The following HTR1E variants were observed in gnomAD, a reference collection of about 807,000 sequenced individuals.
The protein encoded by HTR1E is 5-hydroxytryptamine receptor 1E, also known as 5-HT-1E.
Under a neutral mutation model 3.4 loss-of-function variants are expected in HTR1E, and 3 were observed. The ratio of observed to expected loss-of-function variants is 0.89; its 90% CI spans 0.41 to 2.31. HTR1E has a LOEUF of 2.31. HTR1E is among the 30% of genes most tolerant of loss of function. The pLI is 0.05. For synonymous variants in HTR1E, 170 were observed against 182.8 expected (o/e 0.93, Z 0.56); for missense variants, 392 against 467.0 (o/e 0.84, Z 1.48).
chr6:86,994,757 T>G (rs1246910238), intron 1 of HTR1E, among the ~76,000 whole-genome samples: 1 of 152,134 alleles, frequency 6.6e-6, no homozygotes, highest in Non-Finnish European at 1.5e-5. Context: ...TTATGTTTGA[T>G]AGTTAAAGCA....
intron 1 of HTR1E, among the ~76,000 whole-genome samples, chr6:86,957,763 T>C (rs1386913798): frequency 6.6e-6 from 1 of 152,154 alleles, no homozygotes; most frequent in Non-Finnish European, 1.5e-5. Context: ...GTTTCAAAGA[T>C]ATTGTTAAAT....
At chr6:87,011,778 C>T (rs2127833699) in intron 1 of HTR1E, among the ~76,000 whole-genome samples, 1 of 151,942 alleles carries the variant, frequency 6.6e-6, no homozygotes, top group Non-Finnish European at 1.5e-5. Flanking sequence ...TTCTCAAAAG[C>T]CAAGCCCATA....
At chr6:86,939,967 T>A (rs1003231669) in intron 1 of HTR1E, among the ~76,000 whole-genome samples, 2 of 152,204 alleles carry the variant, frequency 1.3e-5, no homozygotes, top group Non-Finnish European at 2.9e-5. Flanking sequence ...GCAACAATCA[T>A]GTAAATAAGT....
chr6:86,950,023 T>G (rs969447623), intron 1 of HTR1E, among the ~76,000 whole-genome samples: 8 of 152,196 alleles, frequency 5.3e-5, no homozygotes, highest in Admixed American at 1.3e-4. Flanking sequence ...ACGTGGCATA[T>G]GGCAAATGAA....
At chr6:87,005,110 T>C (rs1768081988) in intron 1 of HTR1E, among the ~76,000 whole-genome samples, 1 of 152,174 alleles carries the variant, frequency 6.6e-6, no homozygotes, top group African/African-American at 2.4e-5. Context: ...AGTGAAAAGA[T>C]ATTCCATGTT....
chr6:87,010,232 A>T, intron 1 of HTR1E, among the ~76,000 whole-genome samples: 1 of 96,722 alleles, frequency 1.0e-5, no homozygotes, highest in Non-Finnish European at 1.9e-5. Context: ...GGCCGGGCTG[A>T]GGGGCTCCTC....
chr6:86,979,851 C>T (rs958239869), intron 1 of HTR1E, among the ~76,000 whole-genome samples: 8 of 152,186 alleles, frequency 5.3e-5, no homozygotes, highest in African/African-American at 1.9e-4. Flanking sequence ...TATGCCGAAG[C>T]TAGCCTATTG....
intron 1 of HTR1E, among the ~76,000 whole-genome samples, chr6:86,982,111 A>G (rs1248207834): frequency 1.3e-5 from 2 of 152,226 alleles, no homozygotes; most frequent in East Asian, 1.9e-4. Flanking sequence ...TAGCAGGGCA[A>G]GCAACACATC....
chr6:86,968,064 A>G (rs763815338), intron 1 of HTR1E, among the ~76,000 whole-genome samples: 2 of 152,232 alleles, frequency 1.3e-5, no homozygotes, highest in Admixed American at 6.5e-5. Flanking sequence ...CAGTTTACAC[A>G]TGTGGTATCA....
chr6:86,982,950 GAA>G (rs1767734214), intron 1 of HTR1E, among the ~76,000 whole-genome samples: 2 of 152,266 alleles, frequency 1.3e-5, no homozygotes, highest in South Asian at 4.1e-4. Flanking sequence ...GGGAGTGAGA[GAA>G]AAAGAGAGCT....
At chr6:86,972,593 C>T (rs1367924712) in intron 1 of HTR1E, among the ~76,000 whole-genome samples, 1 of 152,064 alleles carries the variant, frequency 6.6e-6, no homozygotes, top group East Asian at 1.9e-4. Context: ...CTATTTATTA[C>T]AGGTGGAAAA....
chr6:87,007,472 GT>G (rs908752667), intron 1 of HTR1E, among the ~76,000 whole-genome samples: 4 of 152,068 alleles, frequency 2.6e-5, no homozygotes, highest in Non-Finnish European at 5.9e-5. Context: ...AAATAACAGA[GT>G]ACAATTGGAC....
chr6:86,999,657 T>C (rs991484562), intron 1 of HTR1E, among the ~76,000 whole-genome samples: 2 of 152,364 alleles, frequency 1.3e-5, no homozygotes, highest in Admixed American at 6.5e-5. Flanking sequence ...GTTTGATCAG[T>C]TGAACCCAAA....
At chr6:86,976,305 C>A (rs974258456) in intron 1 of HTR1E, among the ~76,000 whole-genome samples, 1 of 152,136 alleles carries the variant, frequency 6.6e-6, no homozygotes, top group African/African-American at 2.4e-5. Flanking sequence ...GAGTGGCATT[C>A]AGGAGAGTCT....
chr6:86,948,184 T>A (rs188690488), intron 1 of HTR1E, among the ~76,000 whole-genome samples: 25 of 152,318 alleles, frequency 1.6e-4, no homozygotes, highest in Admixed American at 1.4e-3. Context: ...GCTTCCAGCT[T>A]CATCCATGTC....
At chr6:86,951,379 G>A (rs978581846) in intron 1 of HTR1E, among the ~76,000 whole-genome samples, 3 of 151,998 alleles carry the variant, frequency 2.0e-5, no homozygotes, top group African/African-American at 7.2e-5. Context: ...TAAATTTTTT[G>A]CCTAGATTCC....
At chr6:86,945,560 GAA>G (rs1292305075) in intron 1 of HTR1E, among the ~76,000 whole-genome samples, 1 of 151,332 alleles carries the variant, frequency 6.6e-6, no homozygotes, top group African/African-American at 2.4e-5. Flanking sequence ...GTGTGAAAAG[GAA>G]AGAAAAAATT....
chr6:87,009,934 C>T (rs1302136980), intron 1 of HTR1E, among the ~76,000 whole-genome samples: 2 of 126,348 alleles, frequency 1.6e-5, no homozygotes, highest in Non-Finnish European at 3.3e-5. Flanking sequence ...GGCAGAGGGG[C>T]TCCTCACTTC....
At chr6:86,987,852 T>C (rs1424832765) in intron 1 of HTR1E, among the ~76,000 whole-genome samples, 2 of 152,112 alleles carry the variant, frequency 1.3e-5, no homozygotes, top group Non-Finnish European at 2.9e-5. Flanking sequence ...TGAAACCTTT[T>C]ATAAGGGTCT....
Sources: allele counts gnomAD v4.1 joint callset (sites outside exome capture counted in the v4.1 genomes callset), GRCh38; gene constraint gnomAD v4.1.1; transcripts MANE v1.5; gene names NCBI Gene and HGNC (gene_info 2026-07-23, HGNC 2026-07-21).